The following DCC variants were observed in gnomAD, a reference collection of about 807,000 sequenced individuals.
DCC encodes DCC netrin 1 receptor.
Under a neutral mutation model 172.5 loss-of-function variants are expected in DCC, and 58 were observed. That is an observed-to-expected ratio of 0.34 (90% CI 0.27 to 0.42). The LOEUF is 0.42. Among genes scored for constraint, DCC ranks in the 10% least tolerant of loss-of-function variants. DCC has a pLI of 1.00. For synonymous variants in DCC, 709 were observed against 644.5 expected, an observed-to-expected ratio of 1.10 and a Z score of -1.52; for missense variants, 1,740 against 1,791.0, an observed-to-expected ratio of 0.97 and a Z score of 0.51.
rs576605355 is a variant in DCC, at chr18:52,376,993, C to T, written c.91+36115C>T. ...CAGCGGCTACATCTGATGCCTATCACCCGTTGTTTCTATACAGGTATCATT... is the reference window on the plus strand; with the variant it reads ...CAGCGGCTACATCTGATGCCTATCATCCGTTGTTTCTATACAGGTATCATT... On this transcript the variant is annotated intron_variant, in intron 1 of 28. Coordinates refer to ENST00000442544, the MANE Select transcript of DCC (RefSeq NM_005215.4). Among the ~76,000 whole-genome samples, 115 of 152,266 alleles carry T rather than the reference C, an allele frequency of 7.6e-4. 1 individual carries two copies. Among genetic ancestry groups the T allele is most frequent in the Admixed American group, 2.9e-3 (44 of 15,296 alleles).
At chr18:52,778,452 A>T (rs1315795182) in intron 2 of DCC, among the ~76,000 whole-genome samples, 5 of 152,178 alleles carry the variant, frequency 3.3e-5, no homozygotes, top group Non-Finnish European at 7.4e-5. Flanking sequence ...GCATTGGCTG[A>T]TACATTATTA....
intron 12 of DCC, among the ~76,000 whole-genome samples, chr18:53,240,026 TAAAA>T (rs68158437): frequency 2.9e-5 from 2 of 69,068 alleles, no homozygotes; most frequent in African/African-American, 9.4e-5. Flanking sequence ...GTTCTAGAGT[TAAAA>T]AAAAAAAAAA....
intron 5 of DCC, among the ~76,000 whole-genome samples, chr18:53,036,476 AT>A (rs1424068214): frequency 6.6e-6 from 1 of 152,162 alleles, no homozygotes; most frequent in African/African-American, 2.4e-5. Flanking sequence ...AGCCACACCT[AT>A]GTATATCTGA....
chr18:52,887,381 T>G (rs2039585810), intron 2 of DCC, among the ~76,000 whole-genome samples: 1 of 152,170 alleles, frequency 6.6e-6, no homozygotes, highest in Non-Finnish European at 1.5e-5. Flanking sequence ...CTATCCTTTG[T>G]GCTGCCTAAT....
chr18:53,312,032 G>C (rs574066759), intron 13 of DCC, among the ~76,000 whole-genome samples: 3 of 152,160 alleles, frequency 2.0e-5, no homozygotes, highest in Admixed American at 1.3e-4. Flanking sequence ...ACAGTGGGTA[G>C]GGCGCGGTGG....
intron 2 of DCC, among the ~76,000 whole-genome samples, chr18:52,764,639 T>C (rs2037215022): frequency 6.6e-6 from 1 of 152,234 alleles, no homozygotes; most frequent in African/African-American, 2.4e-5. Context: ...TGGAAGCAGC[T>C]TGAGGCCCTT....
chr18:52,887,577 G>T (rs200976953), intron 2 of DCC, among the ~76,000 whole-genome samples: 1 of 151,988 alleles, frequency 6.6e-6, no homozygotes, highest in South Asian at 2.1e-4. Flanking sequence ...ATTCATTAAC[G>T]AATGTTTTAA....
At chr18:53,297,481 C>A (rs1379546515) in intron 12 of DCC, among the ~76,000 whole-genome samples, 1 of 152,174 alleles carries the variant, frequency 6.6e-6, no homozygotes, top group East Asian at 1.9e-4. Flanking sequence ...TAATTTCTCC[C>A]TCTCAAGTAA....
chr18:53,014,931 C>T (rs2041787798), intron 5 of DCC, among the ~76,000 whole-genome samples: 1 of 152,056 alleles, frequency 6.6e-6, no homozygotes, highest in African/African-American at 2.4e-5. Context: ...CAAGGGAGTT[C>T]AAGAAAATCC....
chr18:53,329,593 C>T (rs2144844390), intron 14 of DCC, among the ~76,000 whole-genome samples: 1 of 152,022 alleles, frequency 6.6e-6, no homozygotes. Flanking sequence ...TTACTAAAAA[C>T]TATAAAAGAC....
chr18:52,844,329 C>T (rs890840890), intron 2 of DCC, among the ~76,000 whole-genome samples: 24 of 151,822 alleles, frequency 1.6e-4, no homozygotes, highest in African/African-American at 5.8e-4. Context: ...GGCAGACAGA[C>T]AGACAGACAG....
chr18:52,933,842 C>T (rs1310529335), intron 5 of DCC, among the ~76,000 whole-genome samples: 1 of 151,994 alleles, frequency 6.6e-6, no homozygotes, highest in Non-Finnish European at 1.5e-5. Flanking sequence ...GTGTACATCG[C>T]ACCTATTAAG....
At chr18:53,327,994 T>G (rs1308438812) in intron 14 of DCC, among the ~76,000 whole-genome samples, 1 of 152,192 alleles carries the variant, frequency 6.6e-6, no homozygotes, top group African/African-American at 2.4e-5. Context: ...CTCAGCCCCT[T>G]ATTACCATTC....
At chr18:53,213,880 A>G (rs1056244314) in intron 11 of DCC, among the ~76,000 whole-genome samples, 3 of 124,474 alleles carry the variant, frequency 2.4e-5, no homozygotes, top group African/African-American at 1.0e-4. Context: ...TACAAGTACA[A>G]TTTATACTTT....
intron 1 of DCC, among the ~76,000 whole-genome samples, chr18:52,550,669 A>C (rs1391731163): frequency 2.0e-5 from 3 of 152,150 alleles, no homozygotes; most frequent in Non-Finnish European, 4.4e-5. Flanking sequence ...TAAGCCCTGG[A>C]ATAGACAATA....
intron 1 of DCC, among the ~76,000 whole-genome samples, chr18:52,527,087 A>G (rs976559568): frequency 2.0e-5 from 3 of 152,212 alleles, no homozygotes; most frequent in Admixed American, 2.0e-4. Context: ...TGTAACCTAA[A>G]GCTTTTACTG....
At chr18:52,429,497 G>T (rs1250885545) in intron 1 of DCC, among the ~76,000 whole-genome samples, 4 of 151,698 alleles carry the variant, frequency 2.6e-5, no homozygotes, top group African/African-American at 9.7e-5. Flanking sequence ...ACTTTTTTTT[G>T]ACTTAATTTA....
At chr18:52,927,175 A>ACG (rs753304894) in intron 5 of DCC, among the ~76,000 whole-genome samples, 5 of 140,986 alleles carry the variant, frequency 3.5e-5, no homozygotes, top group African/African-American at 7.9e-5. Context: ...ATGTGTATAT[A>ACG]TGTGTATATA....
chr18:53,496,644 G>A (rs951453240), intron 26 of DCC, among the ~76,000 whole-genome samples: 3 of 152,152 alleles, frequency 2.0e-5, no homozygotes, highest in Non-Finnish European at 2.9e-5. Context: ...TCAGAAGGTG[G>A]GTAATAAGAA....
Sources: allele counts gnomAD v4.1 joint callset (sites outside exome capture counted in the v4.1 genomes callset), GRCh38; gene constraint gnomAD v4.1.1; transcripts MANE v1.5; gene names NCBI Gene and HGNC (gene_info 2026-07-23, HGNC 2026-07-21).